The following MTMR10 variants were observed in gnomAD, a reference collection of about 807,000 sequenced individuals.
The protein encoded by MTMR10 is myotubularin related protein 10.
A neutral mutation model predicts 88.1 loss-of-function variants in MTMR10; 56 were observed. The ratio of observed to expected loss-of-function variants is 0.64; its 90% confidence interval spans 0.51 to 0.79. The LOEUF (loss-of-function observed/expected upper bound fraction) is 0.79. Ranked by LOEUF, MTMR10 falls within the 30% of genes least tolerant of loss-of-function variation. The pLI, the probability that MTMR10 is intolerant of heterozygous loss-of-function variation, is 0.00. For synonymous variants in MTMR10, 380 were observed against 340.9 expected, an observed-to-expected ratio of 1.11 and a Z score of -1.26; for missense variants, 883 against 924.7, an observed-to-expected ratio of 0.95 and a Z score of 0.58.
downstream of MTMR10, among the ~76,000 whole-genome samples, chr15:30,938,250 C>T (rs931721392): frequency 6.6e-6 from 1 of 152,036 alleles, no homozygotes; most frequent in Non-Finnish European, 1.5e-5. Context: ...ATATGGGAAA[C>T]CGAGATTCTT....
At chr15:30,963,494 C>T (rs909689438) in intron 6 of MTMR10, among the ~76,000 whole-genome samples, 1 of 151,616 alleles carries the variant, frequency 6.6e-6, no homozygotes, top group Non-Finnish European at 1.5e-5. Context: ...AAAAATAAGC[C>T]GGGTGTGGCG....
At chr15:30,922,372 A>G in the MTMR10 span, 1 of 1,584,162 alleles carries the variant, frequency 6.3e-7, no homozygotes, top group Non-Finnish European at 8.5e-7. Flanking sequence ...GTAACAAAAC[A>G]TATCTGAAAC....
the MTMR10 span, among the ~76,000 whole-genome samples, chr15:30,931,110 C>T: frequency 2.0e-5 from 3 of 152,276 alleles, no homozygotes; most frequent in South Asian, 6.2e-4. Context: ...GGGACAGATA[C>T]CCCATTCCCC....
chr15:30,925,945 T>A, the MTMR10 span: 13 of 1,613,856 alleles, frequency 8.1e-6, 1 homozygote, highest in Non-Finnish European at 1.0e-5. Flanking sequence ...CCAGGGTAAC[T>A]GAGCAGGCTT....
Position 30,941,663 on chromosome 15 carries a change from C to T in MTMR10, c.2141G>A (p.Ser714Asn). 6.2e-7 allele frequency: 1 copy of T among 1,613,054 alleles called. No individual in the cohort carries two copies. The highest frequency in any genetic ancestry group is 8.5e-7 in the Non-Finnish European group (1 of 1,179,494). Residue 714 changes from serine (S) to asparagine (N), a missense_variant, in exon 16 of 16, where the codon AGC (serine) becomes AAC (asparagine). Coordinates refer to ENST00000435680, the MANE Select transcript of MTMR10 (RefSeq NM_017762.3). ...LEACYGELGQSRMYFNASGPH... is the reference protein window; with the variant it reads ...LEACYGELGQNRMYFNASGPH... ...GCCGCTGGCGTTGAAGTACATCCTGCTCTGGCCCAGCTCCCCATAGCAGGC... is the reference window on the plus strand; with the variant it reads ...GCCGCTGGCGTTGAAGTACATCCTGTTCTGGCCCAGCTCCCCATAGCAGGC...
intron 15 of MTMR10, chr15:30,942,383 T>TATCA: frequency 5.2e-6 from 2 of 384,870 alleles, no homozygotes; most frequent in Non-Finnish European, 4.7e-6. Context: ...TGGCCGATTC[T>TATCA]ATCAAGAACA....
At chr15:30,919,855 G>T in the MTMR10 span, among the ~76,000 whole-genome samples, 1 of 152,134 alleles carries the variant, frequency 6.6e-6, no homozygotes, top group Non-Finnish European at 1.5e-5. Context: ...CTCAGGGGTG[G>T]CAGAAGCAGA....
intron 14 of MTMR10, 171 bp from the exon 15 acceptor site, chr15:30,943,243 TCAGAGGGCCCCACAGTCCC>T: frequency 7.3e-7 from 1 of 1,372,460 alleles, no homozygotes; most frequent in Non-Finnish European, 9.4e-7. Context: ...GCCTTTGAGC[TCAGAGGGCCCCACAGTCCC>T]CATGAACAAG....
the MTMR10 span, chr15:30,926,072 G>A: frequency 6.0e-5 from 53 of 887,212 alleles, no homozygotes; most frequent in East Asian, 5.7e-4. Context: ...TGGGCTGGGG[G>A]ATGTCTTCCT....
chr15:30,944,708 G>A (rs1163251285), intron 14 of MTMR10, among the ~76,000 whole-genome samples: 2 of 151,908 alleles, frequency 1.3e-5, no homozygotes, highest in Non-Finnish European at 2.9e-5. Context: ...CCTTCAGTAA[G>A]TATATAGAAA....
chr15:30,971,678 A>G (rs139881739), intron 5 of MTMR10, among the ~76,000 whole-genome samples: 110 of 152,294 alleles, frequency 7.2e-4, no homozygotes, highest in Non-Finnish European at 1.5e-3. Context: ...ATCTTTATCT[A>G]CACAGACAGA....
intron 15 of MTMR10, 38 bp from the exon 16 acceptor site, chr15:30,942,110 C>A (rs763076573): frequency 6.4e-7 from 1 of 1,568,846 alleles, no homozygotes. Flanking sequence ...CGGGGATTCC[C>A]TTTTTAGAAA....
chr15:30,938,650 A>C (rs2062936888), downstream of MTMR10, among the ~76,000 whole-genome samples: 1 of 152,118 alleles, frequency 6.6e-6, no homozygotes, highest in Non-Finnish European at 1.5e-5. Context: ...CTGGAACCCC[A>C]GTCTGTCTCT....
rs139635876 is a variant in MTMR10, at chr15:30,989,156, A to G, written c.121+1621T>C. Among the ~76,000 whole-genome samples, 53 of 152,272 alleles carry G rather than the reference A, an allele frequency of 3.5e-4. No individual in the cohort carries two copies. In the East Asian group the frequency reaches 0.01, roughly 29 times the overall value. On this transcript the variant is annotated intron_variant, in intron 2 of 15. Coordinates refer to ENST00000435680, the MANE Select transcript of MTMR10 (RefSeq NM_017762.3). ...TCAGAGTAAACGAAGTCAAAGTTCA[A>G]TAGCTCATAGGCACTCATTCAAGAT... is the stretch of plus-strand genomic sequence containing the variant.
chr15:30,975,065 A>T, intron 3 of MTMR10, 62 bp from the exon 4 acceptor site: 2 of 1,239,444 alleles, frequency 1.6e-6, no homozygotes, highest in Non-Finnish European at 2.3e-6. Context: ...TGGTAGTATA[A>T]GCCTTAAACT....
intron 6 of MTMR10, among the ~76,000 whole-genome samples, chr15:30,964,141 C>T (rs182528949): frequency 9.4e-4 from 143 of 152,268 alleles, no homozygotes; most frequent in South Asian, 1.9e-3. Context: ...ATTATGCCTG[C>T]TAATATTACT....
intron 9 of MTMR10, among the ~76,000 whole-genome samples, chr15:30,955,154 CTTTGTT>C (rs2063304793): frequency 6.6e-6 from 1 of 151,980 alleles, no homozygotes; most frequent in African/African-American, 2.4e-5. Context: ...GACAGGTAAA[CTTTGTT>C]TCCCTCTTAG....
chr15:30,934,886 G>T (rs8029490), downstream of MTMR10, among the ~76,000 whole-genome samples: 2 of 151,980 alleles, frequency 1.3e-5, no homozygotes, highest in East Asian at 3.8e-4. Context: ...TTACTTCTAC[G>T]TGTTATATGT....
chr15:30,920,271 A>G, the MTMR10 span, among the ~76,000 whole-genome samples: 1 of 152,358 alleles, frequency 6.6e-6, no homozygotes, highest in East Asian at 1.9e-4. Flanking sequence ...ATAGAAAATC[A>G]GGTGGCAGAC....
Sources: allele counts gnomAD v4.1 joint callset (sites outside exome capture counted in the v4.1 genomes callset), GRCh38; gene constraint gnomAD v4.1.1; transcripts MANE v1.5; gene names NCBI Gene and HGNC (gene_info 2026-07-23, HGNC 2026-07-21).